The following LTBP1 variants were observed in gnomAD, a reference collection of about 807,000 sequenced individuals.
LTBP1 encodes the protein latent transforming growth factor beta binding protein 1.
Under a neutral mutation model 207.6 loss-of-function variants are expected in LTBP1, and 129 were observed. The ratio of observed to expected loss-of-function variants is 0.62; its 90% confidence interval spans 0.54 to 0.72. The LOEUF is 0.72. LTBP1 is among the 30% of genes least tolerant of loss of function. The probability of loss-of-function intolerance (pLI) is 0.00; values close to 1 mark genes in which losing one functional copy is unlikely to be tolerated. For synonymous variants in LTBP1, 963 were observed against 833.7 expected, an observed-to-expected ratio of 1.16 and a Z score of -2.67; for missense variants, 2,281 against 2,217.2, an observed-to-expected ratio of 1.03 and a Z score of -0.58.
chr2:33,139,103 C>T (rs1242656086), intron 5 of LTBP1, among the ~76,000 whole-genome samples: 2 of 151,932 alleles, frequency 1.3e-5, no homozygotes, highest in African/African-American at 4.8e-5. Flanking sequence ...CGTGATCCGC[C>T]CGCCTCGGCC....
chr2:33,080,735 G>A (rs1180783074), intron 3 of LTBP1, among the ~76,000 whole-genome samples: 3 of 152,110 alleles, frequency 2.0e-5, no homozygotes, highest in Non-Finnish European at 2.9e-5. Context: ...AGTTATACTG[G>A]ATGCACTTAA....
Position 33,128,705 on chromosome 2 carries a change from A to C in LTBP1, c.1034-6088A>C, listed in dbSNP as rs559661473. ...GGGCAAACTCATTGAACCCTCAACAAGTATGGCTCCCATGATTGTCAGGAT... is the reference window on the plus strand; with the variant it reads ...GGGCAAACTCATTGAACCCTCAACACGTATGGCTCCCATGATTGTCAGGAT... On this transcript the variant is annotated intron_variant, in intron 4 of 33. Transcript: ENST00000404816. 3.9e-5 allele frequency among the ~76,000 whole-genome samples: 6 copies of C among 152,348 alleles called. No individual in the cohort carries two copies. In the South Asian group the frequency reaches 1.2e-3, roughly 32 times the overall value.
chr2:33,081,995 ATAAATTACCCAGTCTTGGG>A (rs1558611678), intron 3 of LTBP1, among the ~76,000 whole-genome samples: 1 of 152,098 alleles, frequency 6.6e-6, no homozygotes, highest in East Asian at 1.9e-4. Context: ...TTTTTCTTTT[ATAAATTACCCAGTCTTGGG>A]TATGTCTGTA....
rs58303103 is a variant in LTBP1, at chr2:33,149,228, C to CAAAAAAAAAAAAAA, written c.1201+14282_1201+14295dup. 2.7e-4 allele frequency among the ~76,000 whole-genome samples: 22 copies of CAAAAAAAAAAAAAA among 82,798 alleles called. 2 individuals are homozygous for CAAAAAAAAAAAAAA. The highest frequency in any genetic ancestry group is 5.2e-4 in the Admixed American group (3 of 5,764). 54.3% of individuals were successfully genotyped at this position (82,798 alleles called of 152,430 possible). ...AGACTCCGTCTCACTCACAAAAAAACAAAAAAAAAAAAAAAAAAAAAAAAA... is the reference window on the plus strand; with the variant it reads ...AGACTCCGTCTCACTCACAAAAAAACAAAAAAAAAAAAAAAAAAAAAAAAAAAAAAAAAAAAAAA... On this transcript the variant is annotated intron_variant, in intron 5 of 33. Transcript: ENST00000404816.
At chr2:33,366,474 G>A (rs978420003) in intron 31 of LTBP1, among the ~76,000 whole-genome samples, 1 of 152,218 alleles carries the variant, frequency 6.6e-6, no homozygotes, top group Non-Finnish European at 1.5e-5. Context: ...AACGTAGCAT[G>A]AAAGAGAAAA....
chr2:33,083,911 T>A (rs2078599297), intron 3 of LTBP1, among the ~76,000 whole-genome samples: 1 of 152,146 alleles, frequency 6.6e-6, no homozygotes, highest in Non-Finnish European at 1.5e-5. Context: ...CCTAATGGGT[T>A]TTTTGACCTG....
intron 4 of LTBP1, among the ~76,000 whole-genome samples, chr2:33,129,371 C>T (rs978146188): frequency 9.9e-5 from 15 of 152,180 alleles, no homozygotes; most frequent in African/African-American, 3.6e-4. Flanking sequence ...TTCCAGTAAC[C>T]AGAGGCAGCA....
At chr2:33,004,814 TAA>T (rs1553365261) in intron 2 of LTBP1, among the ~76,000 whole-genome samples, 2 of 136,558 alleles carry the variant, frequency 1.5e-5, no homozygotes, top group African/African-American at 2.6e-5. Flanking sequence ...TATATATATA[TAA>T]ACATAAAATT....
At chr2:33,204,628 G>A (rs575498270) in intron 7 of LTBP1, among the ~76,000 whole-genome samples, 4 of 151,646 alleles carry the variant, frequency 2.6e-5, no homozygotes, top group African/African-American at 7.3e-5. Flanking sequence ...TGCCCAAGCT[G>A]GAGTGCAGTG....
At chr2:33,383,679 G>A (rs1406409683) in intron 31 of LTBP1, among the ~76,000 whole-genome samples, 1 of 152,114 alleles carries the variant, frequency 6.6e-6, no homozygotes. Flanking sequence ...TCTAGCCTCA[G>A]TGTGCCGCTA....
chr2:33,328,475 G>T (rs2094456580), intron 24 of LTBP1, among the ~76,000 whole-genome samples: 1 of 152,144 alleles, frequency 6.6e-6, no homozygotes, highest in African/African-American at 2.4e-5. Context: ...TTGCTGGGGA[G>T]GCCTCAGGAA....
At chr2:33,002,751 C>T in intron 2 of LTBP1, among the ~76,000 whole-genome samples, 1 of 151,980 alleles carries the variant, frequency 6.6e-6, no homozygotes, top group East Asian at 1.9e-4. Context: ...GATCTTGGCT[C>T]ACTGCAACCT....
At chr2:33,397,409 G>T in intron 33 of LTBP1, 127 bp downstream of exon 33, 3 of 852,508 alleles carry the variant, frequency 3.5e-6, no homozygotes, top group Non-Finnish European at 5.5e-6. Flanking sequence ...TTCTGGAGAT[G>T]TACATTAAGT....
At chr2:33,005,697 G>A (rs1042344019) in intron 2 of LTBP1, among the ~76,000 whole-genome samples, 6 of 148,258 alleles carry the variant, frequency 4.0e-5, no homozygotes, top group Non-Finnish European at 7.4e-5. Context: ...AGCAATTCTC[G>A]TCCCTCAGCC....
At chr2:33,098,783 A>G (rs999615382) in intron 3 of LTBP1, among the ~76,000 whole-genome samples, 1 of 152,128 alleles carries the variant, frequency 6.6e-6, no homozygotes, top group Admixed American at 6.5e-5. Context: ...TTTTTCCGAA[A>G]GTCAAACTTG....
intron 32 of LTBP1, among the ~76,000 whole-genome samples, chr2:33,395,058 T>A (rs2095346679): frequency 6.6e-6 from 1 of 152,206 alleles, no homozygotes; most frequent in African/African-American, 2.4e-5. Context: ...ATTTTCTTTT[T>A]TATCCCCCAA....
chr2:33,398,254 G>C (rs1187620730), intron 33 of LTBP1, 110 bp from the exon 34 acceptor site: 2 of 943,826 alleles, frequency 2.1e-6, no homozygotes, highest in Non-Finnish European at 3.2e-6. Context: ...GCAATGACGA[G>C]AAAGCTTCCT....
At chr2:33,351,066 G>A (rs1010363025) in intron 26 of LTBP1, among the ~76,000 whole-genome samples, 34 of 152,120 alleles carry the variant, frequency 2.2e-4, no homozygotes, top group African/African-American at 7.7e-4. Context: ...CATATAGGTT[G>A]GGGTGGTTAG....
At chr2:32,990,853 G>T (rs978584797) in intron 2 of LTBP1, among the ~76,000 whole-genome samples, 1 of 152,200 alleles carries the variant, frequency 6.6e-6, no homozygotes, top group African/African-American at 2.4e-5. Flanking sequence ...AGTTTTCCAT[G>T]AAGAAATTAC....
Sources: allele counts gnomAD v4.1 joint callset (sites outside exome capture counted in the v4.1 genomes callset), GRCh38; gene constraint gnomAD v4.1.1; transcripts MANE v1.5; gene names NCBI Gene and HGNC (gene_info 2026-07-23, HGNC 2026-07-21).